Variants in ZBTB17 observed in about 807,000 individuals in gnomAD.
ZBTB17 encodes zinc finger and BTB domain containing 17, also known as zinc finger and BTB domain-containing protein 17.
A neutral mutation model predicts 85.1 loss-of-function variants in ZBTB17; 24 were observed. The observed-to-expected ratio is 0.28, with a 90% CI of 0.20 to 0.40. ZBTB17 has a LOEUF of 0.40. Ranked by LOEUF, ZBTB17 falls within the 10% of genes least tolerant of loss-of-function variation. The pLI, the probability that ZBTB17 is intolerant of heterozygous loss-of-function variation, is 1.00. For missense variants in ZBTB17, 743 were observed against 1,105.1 expected, an observed-to-expected ratio of 0.67 and a Z score of 4.65; for synonymous variants, 464 against 460.2, an observed-to-expected ratio of 1.01 and a Z score of -0.11.
At position 15,951,604 on chromosome 1, in the gene ZBTB17, G is replaced by GAC. The variant is rs2071845687; in HGVS notation, c.-2-3109_-2-3108dup. ...GCCCCTCTCTCAAGGCCCGTGGCGA[G>GAC]ACGGAGGCATGGCCGGCTGGGTCCT... On this transcript the variant is annotated intron_variant, in intron 2 of 15. Coordinates refer to ENST00000375743, the MANE Select transcript of ZBTB17 (RefSeq NM_003443.3). This position sits in a 1 kb window ranked among gnomAD's most constrained non-coding sequence, Gnocchi z 4.1. Among the ~76,000 whole-genome samples the GAC allele has an allele frequency of 6.6e-6, 1 of 152,312 alleles. No individual in the cohort carries two copies. Among genetic ancestry groups the GAC allele is most frequent in the East Asian group, 1.9e-4 (1 of 5,182 alleles).
chr1:15,944,178 G>A, intron 9 of ZBTB17, 122 bp downstream of exon 9: 1 of 1,377,140 alleles, frequency 7.3e-7, no homozygotes. Flanking sequence ...TTTCCTGGGT[G>A]AACAAGCTGA....
chr1:15,949,584 G>A (rs889077115), intron 2 of ZBTB17, among the ~76,000 whole-genome samples: 11 of 152,226 alleles, frequency 7.2e-5, no homozygotes, highest in Non-Finnish European at 7.3e-5. Context: ...GAGTCTGCAC[G>A]GGGCTGGCTC....
At chr1:15,943,311 C>G in intron 12 of ZBTB17, 88 bp downstream of exon 12, 2 of 1,590,816 alleles carry the variant, frequency 1.3e-6, no homozygotes, top group Non-Finnish European at 1.7e-6. Context: ...CAGCAGTCAG[C>G]TCAGTCCCCA....
At chr1:15,962,960 A>T (rs939221103) in intron 2 of ZBTB17, among the ~76,000 whole-genome samples, 1 of 152,134 alleles carries the variant, frequency 6.6e-6, no homozygotes, top group Non-Finnish European at 1.5e-5. Context: ...TAAAAAAAAT[A>T]AAAAAATAAA....
At position 15,943,711 on chromosome 1, in the gene ZBTB17, G is replaced by A; in HGVS notation, c.1464C>T (p.Asn488=). ...TGTGGATCCGAAGGTGCCGCTTCAG[G>A]TTCCCTGTGGCGAGACCGAGGGCGA... The part of the protein sequence containing the change: ...ECGKQFTTSG[N]LKRHLRIHSG... Residue 488 remains asparagine (N), a synonymous_variant, in exon 11 of 16, where the codon AAC becomes AAT. Coordinates refer to ENST00000375743, the MANE Select transcript of ZBTB17 (RefSeq NM_003443.3). 1 of 1,613,276 alleles carries A rather than the reference G, an allele frequency of 6.2e-7. No homozygotes were observed. The highest frequency in any genetic ancestry group is 1.1e-5 in the South Asian group (1 of 91,082).
intron 2 of ZBTB17, among the ~76,000 whole-genome samples, chr1:15,959,452 A>G (rs996490638): frequency 1.3e-5 from 2 of 150,058 alleles, no homozygotes; most frequent in East Asian, 4.0e-4. Flanking sequence ...ATTAAAACTG[A>G]GAAAGCTAAA....
intron 6 of ZBTB17, 45 bp from the exon 7 acceptor site, chr1:15,945,247 T>C (rs1451742659): frequency 6.5e-7 from 1 of 1,540,828 alleles, no homozygotes; most frequent in East Asian, 2.4e-5. Context: ...CCTCTCTGCC[T>C]GAGCGCACGT....
At position 15,966,889 on chromosome 1, in the gene ZBTB17, A is replaced by G. The variant is rs1375901143; in HGVS notation, c.-3+6150T>C. ...CAGCACTGCACTCCAACCTGGGCGA[A>G]AGAGCGAGACCCTGTCTCAAAAATT... On this transcript the variant is annotated intron_variant, in intron 2 of 15. Coordinates refer to ENST00000375743, the MANE Select transcript of ZBTB17 (RefSeq NM_003443.3). This position sits in a 1 kb window ranked among gnomAD's most constrained non-coding sequence, Gnocchi z 4.1. 6.6e-6 allele frequency among the ~76,000 whole-genome samples: 1 copy of G among 150,818 alleles called. No homozygotes were observed. Among genetic ancestry groups the G allele is most frequent in the Non-Finnish European group, 1.5e-5 (1 of 67,612 alleles).
rs780417610 is a variant in ZBTB17 at position 15,945,750 on chromosome 1, T to G, written c.626A>C (p.Glu209Ala). The G allele has an allele frequency of 1.2e-6, 2 of 1,607,050 alleles. No individual in the cohort carries two copies. The highest frequency in any genetic ancestry group is 2.2e-5 in the South Asian group (2 of 91,046). The change falls in exon 6 of 16, where the codon GAA (glutamate) becomes GCA (alanine). Residue 209 changes from glutamate to alanine, a missense_variant. This residue lies in a region of ZBTB17 where 279 missense variants were observed against 269.9 expected (regional missense o/e 1.03). Transcript: ENST00000375743. ...PDPTSGMAAA[E>A]AEAALSESSE... is the part of the protein sequence containing the mutation. Reference sequence around the variant, plus strand: ...GCTCTCGGACAAAGCGGCCTCAGCTTCTGCAGCAGCCATGCCACTCGTGGG... The same window carrying G: ...GCTCTCGGACAAAGCGGCCTCAGCTGCTGCAGCAGCCATGCCACTCGTGGG...
rs2071456422 is a variant in ZBTB17 at position 15,943,722 on chromosome 1, C to T, written c.1460-7G>A. 6.2e-7 allele frequency: 1 copy of T among 1,613,138 alleles called. No individual in the cohort carries two copies. Among genetic ancestry groups the T allele is most frequent in the Non-Finnish European group, 8.5e-7 (1 of 1,179,896 alleles). On this transcript the variant is annotated splice_region_variant and splice_polypyrimidine_tract_variant and intron_variant, in intron 10 of 15. Coordinates refer to ENST00000375743, the MANE Select transcript of ZBTB17 (RefSeq NM_003443.3). ...AGGTGCCGCTTCAGGTTCCCTGTGGCGAGACCGAGGGCGAACCTGGCGTGG... is the reference window on the plus strand; with the variant it reads ...AGGTGCCGCTTCAGGTTCCCTGTGGTGAGACCGAGGGCGAACCTGGCGTGG...
chr1:15,971,392 T>TAC (rs746652942), intron 2 of ZBTB17, among the ~76,000 whole-genome samples: 17 of 147,536 alleles, frequency 1.2e-4, no homozygotes, highest in East Asian at 2.0e-4. Context: ...TATATATATA[T>TAC]ACACACTATA....
Position 15,951,124 on chromosome 1 carries a change from C to T in ZBTB17, c.-2-2627G>A, listed in dbSNP as rs1456004207. Among the ~76,000 whole-genome samples, 3 of 152,202 alleles carry T rather than the reference C, an allele frequency of 2.0e-5. No homozygotes were observed. ...ACTGCACTTTTCCAATGCAAGATGC[C>T]CGCCCAGAAGTGGGCTCCTCCCACA... On this transcript the variant is annotated intron_variant, in intron 2 of 15. Coordinates refer to ENST00000375743, the MANE Select transcript of ZBTB17 (RefSeq NM_003443.3). The surrounding 1 kb of genome is among the most constrained non-coding windows in gnomAD (Gnocchi z 4.1).
intron 2 of ZBTB17, among the ~76,000 whole-genome samples, chr1:15,971,702 C>T (rs987771461): frequency 1.3e-5 from 2 of 150,464 alleles, no homozygotes; most frequent in African/African-American, 4.9e-5. Context: ...ACCTGCCTGA[C>T]CTCATGTAAT....
In ZBTB17 at chr1:15,975,963, G is replaced by A. The variant is rs1057110985; in HGVS notation, c.-90+20C>T. 7.2e-6 allele frequency: 5 copies of A among 698,896 alleles called. No individual in the cohort carries two copies. Among genetic ancestry groups the A allele is most frequent in the Non-Finnish European group, 1.3e-5 (5 of 383,202 alleles). 43.3% of individuals were successfully genotyped at this position (698,896 alleles called of 1,614,324 possible). ...CGGCTCCCGGGACTTCCCCGGCCCC[G>A]GGCGATTGTTGACACTCACCTGCCA... On this transcript the variant is annotated intron_variant, in intron 1 of 15. Transcript: ENST00000375743.
intron 2 of ZBTB17, among the ~76,000 whole-genome samples, chr1:15,956,591 T>C (rs975914811): frequency 3.3e-5 from 5 of 152,158 alleles, no homozygotes; most frequent in Non-Finnish European, 7.4e-5. Flanking sequence ...TTCCCCAATA[T>C]AGAGAAAATC....
At position 15,944,742 on chromosome 1, in the gene ZBTB17, G is replaced by T. The variant is rs2071519663; in HGVS notation, c.1025C>A (p.Ala342Asp). Reference sequence around the variant, plus strand: ...CTTGCACGCGGCCGGGTCGGAAAAGGCCTTGCTGCACTCCCGGCACGAGAA... The same window carrying T: ...CTTGCACGCGGCCGGGTCGGAAAAGTCCTTGCTGCACTCCCGGCACGAGAA... ...KPFSCRECSK[A>D]FSDPAACKAH... The change falls in exon 8 of 16, where the codon GCC (alanine) becomes GAC (aspartate). Residue 342 changes from alanine (A) to aspartate (D), a missense_variant. This residue lies in a region of ZBTB17 where 321 missense variants were observed against 615.7 expected (regional missense o/e 0.52). Coordinates refer to ENST00000375743, the MANE Select transcript of ZBTB17 (RefSeq NM_003443.3). 1.8e-5 allele frequency: 29 copies of T among 1,612,364 alleles called. No individual in the cohort carries two copies. Among genetic ancestry groups the T allele is most frequent in the Non-Finnish European group, 2.4e-5 (28 of 1,179,890 alleles).
intron 2 of ZBTB17, among the ~76,000 whole-genome samples, chr1:15,957,363 G>A (rs1430918432): frequency 8.0e-6 from 1 of 124,922 alleles, no homozygotes; most frequent in Admixed American, 7.3e-5. Flanking sequence ...ACAGGGGCCG[G>A]TGTGTGTGGA....
intron 1 of ZBTB17, among the ~76,000 whole-genome samples, chr1:15,974,079 T>C (rs2072768345): frequency 6.6e-6 from 1 of 151,586 alleles, no homozygotes. Context: ...TAGTCCCAGC[T>C]AGTTGGGAGG....
chr1:15,944,053 G>T, intron 9 of ZBTB17, 158 bp from the exon 10 acceptor site: 1 of 972,774 alleles, frequency 1.0e-6, no homozygotes, highest in Non-Finnish European at 1.6e-6. Flanking sequence ...GGTCCCAGCG[G>T]TGAGAGGTAA....
Sources: allele counts gnomAD v4.1 joint callset (sites outside exome capture counted in the v4.1 genomes callset), GRCh38; gene constraint gnomAD v4.1.1; regional missense constraint gnomAD v4.1.1; non-coding constraint Gnocchi (gnomAD v3.1); transcripts MANE v1.5; gene names NCBI Gene and HGNC (gene_info 2026-07-23, HGNC 2026-07-21).